SORBS2: variants seen among roughly 807,000 people sequenced by gnomAD.
The protein encoded by SORBS2 is sorbin and SH3 domain containing 2, also known as sorbin and SH3 domain-containing protein 2.
In SORBS2, 46 loss-of-function variants were observed where a neutral mutation model predicts 97.7. The observed-to-expected ratio is 0.47, with a 90% CI of 0.37 to 0.60. The LOEUF (loss-of-function observed/expected upper bound fraction) is 0.60. Ranked by LOEUF, SORBS2 falls within the 20% of genes least tolerant of loss-of-function variation. The probability of loss-of-function intolerance (pLI) is 0.00; values close to 1 mark genes in which losing one functional copy is unlikely to be tolerated. For missense variants in SORBS2, 1,316 were observed against 1,282.3 expected, an observed-to-expected ratio of 1.03 and a Z score of -0.40; for synonymous variants, 476 against 473.4, an observed-to-expected ratio of 1.01 and a Z score of -0.07.
intron 2 of SORBS2, among the ~76,000 whole-genome samples, chr4:185,711,824 T>G (rs1168589015): frequency 6.6e-6 from 1 of 152,154 alleles, no homozygotes; most frequent in South Asian, 2.1e-4. Context: ...ACTTGGTATA[T>G]CAGCACCTAT....
chr4:185,668,190 A>G (rs185822875), intron 4 of SORBS2, among the ~76,000 whole-genome samples: 1 of 152,236 alleles, frequency 6.6e-6, no homozygotes, highest in African/African-American at 2.4e-5. Context: ...GACTTGAAAC[A>G]TGTCAAAAGC....
rs531138142 is a variant in SORBS2 at position 185,828,609 on chromosome 4, G to C, written c.-337-53243C>G. Among the ~76,000 whole-genome samples, 22 of 152,104 alleles carry C rather than the reference G, an allele frequency of 1.4e-4. No homozygotes were observed. In the South Asian group the frequency reaches 3.5e-3, roughly 24 times the overall value. ...GTAGCACAAAATTAAAAATATTAGA[G>C]CTTAACCTCAGGGAAGGCAGGGAAC... On this transcript the variant is annotated intron_variant, in intron 1 of 20. Transcript: ENST00000284776.
intron 2 of SORBS2, among the ~76,000 whole-genome samples, chr4:185,754,023 C>A (rs1325548061): frequency 2.0e-5 from 3 of 152,094 alleles, no homozygotes; most frequent in African/African-American, 7.2e-5. Context: ...GCATCATTCA[C>A]AATAGCAAAG....
intron 2 of SORBS2, among the ~76,000 whole-genome samples, chr4:185,751,441 T>C (rs1378841882): frequency 6.6e-6 from 1 of 152,004 alleles, no homozygotes; most frequent in African/African-American, 2.4e-5. Context: ...TCTTGGACAT[T>C]TTGCTAAATT....
intron 1 of SORBS2, among the ~76,000 whole-genome samples, chr4:185,895,861 T>C (rs2099244761): frequency 6.6e-6 from 1 of 152,242 alleles, no homozygotes; most frequent in Admixed American, 6.5e-5. Flanking sequence ...CTTCATTGTT[T>C]TCTTTTGAAA....
In SORBS2 at chr4:185,599,079, A is replaced by G. The variant is rs571374188; in HGVS notation, c.2797-5144T>C. Among the ~76,000 whole-genome samples the G allele has an allele frequency of 1.6e-4, 24 of 152,340 alleles. No homozygotes were observed. In the Middle Eastern group the frequency reaches 0.01, roughly 65 times the overall value. On this transcript the variant is annotated intron_variant, in intron 12 of 14. Coordinates refer to ENST00000418609, the Ensembl canonical transcript of SORBS2. ...CACAAAGCTCTGCCTCAGCAACAAA[A>G]TGAGGTCTTCCTATGCAATGCAAAA...
chr4:185,668,420 T>C (rs1188961853), intron 4 of SORBS2, among the ~76,000 whole-genome samples: 3 of 152,238 alleles, frequency 2.0e-5, no homozygotes, highest in Admixed American at 6.5e-5. Context: ...TGTATGTGCG[T>C]GTGTGTGTTT....
At chr4:185,657,195 C>G, upstream of SORBS2, 1 of 392,272 alleles carries the variant, frequency 2.5e-6, no homozygotes, top group Non-Finnish European at 4.3e-6. Flanking sequence ...TTAACAAAAT[C>G]GCAATGTTCA....
rs1428529263 is a variant in SORBS2, at chr4:185,614,196, G to A, written c.2595+635C>T. On this transcript the variant is annotated intron_variant, in intron 11 of 14. Transcript: ENST00000418609. ...TTTTTTTTTTTTGAGATGGAATCTC[G>A]CTCACCTGCCTTGGCCTCCCAAAGT... is the stretch of plus-strand genomic sequence containing the variant. Among the ~76,000 whole-genome samples the A allele has an allele frequency of 1.4e-4, 15 of 110,544 alleles. No individual in the cohort carries two copies. The Admixed American group carries it at 1.4e-3, about 10-fold the overall frequency. The allele number at this position is 110,544 out of a possible 152,430, so 72.5% of individuals were successfully genotyped here.
intron 11 of SORBS2, 158 bp downstream of exon 23, chr4:185,614,673 C>A: frequency 1.2e-6 from 1 of 857,224 alleles, no homozygotes; most frequent in Non-Finnish European, 1.7e-6. Context: ...AACCGTGACT[C>A]TGGGCTGCCT....
chr4:185,928,623 G>A (rs2099264894), intron 1 of SORBS2, among the ~76,000 whole-genome samples: 1 of 152,086 alleles, frequency 6.6e-6, no homozygotes. Flanking sequence ...TTGGCTCACT[G>A]CAAGCTCTGC....
chr4:185,792,653 T>C (rs1286166348), intron 1 of SORBS2, among the ~76,000 whole-genome samples: 1 of 152,168 alleles, frequency 6.6e-6, no homozygotes, highest in African/African-American at 2.4e-5. Flanking sequence ...CTAGACTGTT[T>C]TTTTTCTTCC....
chr4:185,768,760 T>C (rs760150473), intron 2 of SORBS2, among the ~76,000 whole-genome samples: 2 of 151,288 alleles, frequency 1.3e-5, no homozygotes, highest in Non-Finnish European at 3.0e-5. Context: ...ATTGAATTTG[T>C]TTCAAAGTAA....
intron 1 of SORBS2, among the ~76,000 whole-genome samples, chr4:185,874,238 A>G (rs537447961): frequency 6.6e-6 from 1 of 152,350 alleles, no homozygotes; most frequent in East Asian, 1.9e-4. Context: ...ATTAATATGG[A>G]AAATGTGGCT....
rs185519110 is a variant in SORBS2 at position 185,766,884 on chromosome 4, C to T, written c.-198+8343G>A. 7.1e-3 allele frequency among the ~76,000 whole-genome samples: 1,080 copies of T among 151,304 alleles called. 10 individuals carry two copies. Among genetic ancestry groups the T allele is most frequent in the Non-Finnish European group, 1.0e-2 (676 of 67,754 alleles). Reference sequence around the variant, plus strand: ...TTTTCTATTAAGCTAAATTCAATCTCTTTTTTTTTCAGGCATAAATTTATT... The same window carrying T: ...TTTTCTATTAAGCTAAATTCAATCTTTTTTTTTTTCAGGCATAAATTTATT... On this transcript the variant is annotated intron_variant, in intron 2 of 20. Coordinates refer to the SORBS2 transcript ENST00000284776.
At chr4:185,628,158 T>TGAACACC (rs2096848742) in intron 5 of SORBS2, among the ~76,000 whole-genome samples, 6 of 152,188 alleles carry the variant, frequency 3.9e-5, no homozygotes, top group Admixed American at 3.9e-4. Context: ...CCTGCTGGTT[T>TGAACACC]TTGTGTGAAC....
In SORBS2 at chr4:185,607,279, T is replaced by G. The variant is rs13144963; in HGVS notation, c.2796+4501A>C. 2 of 1,277,862 alleles carry G rather than the reference T, an allele frequency of 1.6e-6. No homozygotes were observed. Among genetic ancestry groups the G allele is most frequent in the Non-Finnish European group, 1.0e-6 (1 of 984,264 alleles). 79.2% of individuals were successfully genotyped at this position (1,277,862 alleles called of 1,614,324 possible). On this transcript the variant is annotated intron_variant, in intron 12 of 14. Transcript: ENST00000418609. The surrounding 1 kb of genome is among the most constrained non-coding windows in gnomAD (Gnocchi z 5.2). ...GGACAACCAGCCCTGGCCAGTTCCC[T>G]GGAGAGCTCCTTTATCTGAGCCAGG...
At chr4:185,768,060 A>G (rs534453442) in intron 2 of SORBS2, among the ~76,000 whole-genome samples, 37 of 152,328 alleles carry the variant, frequency 2.4e-4, no homozygotes, top group Admixed American at 1.3e-3. Context: ...ATTTTCTAGT[A>G]CAATATACGC....
upstream of SORBS2, among the ~76,000 whole-genome samples, chr4:185,658,928 G>C (rs1260158682): frequency 6.6e-6 from 1 of 152,006 alleles, no homozygotes; most frequent in Admixed American, 6.6e-5. Context: ...GGATGGTCCT[G>C]ATCTCCTGAC....
Sources: gnomAD v4.1 joint callset for allele counts (sites outside exome capture counted in the v4.1 genomes callset) on GRCh38, gnomAD v4.1.1 for gene constraint, Gnocchi (gnomAD v3.1) non-coding constraint, MANE v1.5 for transcripts, NCBI Gene and HGNC (gene_info 2026-07-23, HGNC 2026-07-21) for gene names.